Variants in STAM observed in about 807,000 individuals in gnomAD.
STAM encodes signal transducing adaptor molecule.
In STAM, 16 loss-of-function variants were observed where a neutral mutation model predicts 63.4. The observed-to-expected ratio is 0.25, with a 90% CI of 0.17 to 0.38. STAM has a LOEUF of 0.38. Ranked by LOEUF, STAM falls within the 10% of genes least tolerant of loss-of-function variation. The pLI, the probability that STAM is intolerant of heterozygous loss-of-function variation, is 1.00. For missense variants in STAM, 636 were observed against 657.1 expected (o/e 0.97, Z 0.35); for synonymous variants, 238 against 223.9 (o/e 1.06, Z -0.56).
chr10:17,686,486 C>A (rs923868312), intron 4 of STAM, among the ~76,000 whole-genome samples: 1 of 151,404 alleles, frequency 6.6e-6, no homozygotes, highest in African/African-American at 2.4e-5. Context: ...AAGTGATTCT[C>A]CTGCCTCAGC....
chr10:17,700,068 T>C (rs1778541273), intron 8 of STAM, 123 bp from the exon 9 acceptor site: 1 of 627,390 alleles, frequency 1.6e-6, no homozygotes, highest in African/African-American at 1.9e-5. Context: ...ATTTCTTAAA[T>C]TGCGCCTTTT....
At chr10:17,644,469 G>C in intron 1 of STAM, 90 bp downstream of exon 1, 1 of 1,525,570 alleles carries the variant, frequency 6.6e-7, no homozygotes. Context: ...CCTCGGGCCA[G>C]GGCCAAGGAA....
intron 12 of STAM, among the ~76,000 whole-genome samples, chr10:17,708,128 G>T (rs1356843526): frequency 6.6e-6 from 1 of 152,138 alleles, no homozygotes; most frequent in Admixed American, 6.5e-5. Context: ...CTGACCTCGT[G>T]ATCTGCCTGC....
At chr10:17,691,362 CA>C (rs1209148751) in intron 5 of STAM, among the ~76,000 whole-genome samples, 9 of 152,012 alleles carry the variant, frequency 5.9e-5, no homozygotes, top group Non-Finnish European at 1.2e-4. Flanking sequence ...ACTAAAAATA[CA>C]AAAAATTAGC....
At chr10:17,700,345 G>GA in intron 9 of STAM, 66 bp downstream of exon 9, 6 of 1,265,640 alleles carry the variant, frequency 4.7e-6, no homozygotes, top group Non-Finnish European at 5.4e-6. Context: ...TTTGCTTTAA[G>GA]AAAAAATTGA....
At chr10:17,648,012 AGAC>A (rs78633786) in intron 1 of STAM, among the ~76,000 whole-genome samples, 16,811 of 151,882 alleles carry the variant, frequency 0.11, 984 homozygotes, top group Middle Eastern at 0.16. Flanking sequence ...CCTTCTCAGT[AGAC>A]GACAACATGA....
chr10:17,708,978 G>T, intron 13 of STAM, 27 bp downstream of exon 13: 1 of 1,606,776 alleles, frequency 6.2e-7, no homozygotes. Context: ...TTCTTGTTTG[G>T]AGTTAGTGCT....
chr10:17,693,441 T>C (rs1171158609), intron 6 of STAM, 129 bp downstream of exon 6: 4 of 683,732 alleles, frequency 5.9e-6, no homozygotes, highest in Non-Finnish European at 9.3e-6. Context: ...TCCTCAGTAT[T>C]CTTTGCTTTA....
intron 1 of STAM, among the ~76,000 whole-genome samples, chr10:17,656,919 G>C (rs1554822212): frequency 6.6e-6 from 1 of 152,186 alleles, no homozygotes; most frequent in East Asian, 1.9e-4. Context: ...TTGATCCCAG[G>C]ACTCTATAGG....
chr10:17,683,602 T>C (rs782073648), intron 2 of STAM, among the ~76,000 whole-genome samples: 11 of 152,204 alleles, frequency 7.2e-5, no homozygotes, highest in Non-Finnish European at 1.6e-4. Flanking sequence ...CTTACCTGAT[T>C]AATTCCATCC....
rs1554829762 is a variant in STAM at position 17,708,945 on chromosome 10, A to C, written c.1379A>C (p.Tyr460Ser). 1 of 1,613,358 alleles carries C rather than the reference A, an allele frequency of 6.2e-7. No homozygotes were observed. Among genetic ancestry groups the C allele is most frequent in the East Asian group, 2.2e-5 (1 of 44,874 alleles). The change falls in exon 13 of 14, where the codon TAC becomes TCC. Residue 460 changes from tyrosine (Y) to serine (S), a missense_variant. This residue lies in a region of STAM where 532 missense variants were observed against 536.9 expected (regional missense o/e 0.99). Transcript: ENST00000377524. ...CCTAGTCAGCAGACTCAGGCCGCTT[A>C]CCCAAAGTAATTTTACTGTTGATTC... ...ALPSQQTQAA[Y>S]PNTMVSSVQG...
chr10:17,714,673 C>A lies in STAM; in HGVS notation c.1516C>A (p.Pro506Thr), dbSNP rs782591677. The A allele has an allele frequency of 3.0e-5, 49 of 1,613,996 alleles. No individual in the cohort carries two copies. Among genetic ancestry groups the A allele is most frequent in the Non-Finnish European group, 4.1e-5 (48 of 1,180,020 alleles). ...GTACCAGAATGCAGGACCTAATATG[C>A]CCCAGGTGCCAAACTATAACTTAAC... ...TLYQNAGPNM[P>T]QVPNYNLTSS... is the part of the protein sequence containing the mutation. Residue 506 changes from proline to threonine, a missense_variant, in exon 14 of 14, where the codon CCC becomes ACC. By Grantham distance (38) the Pro-to-Thr change is conservative. This residue lies in a region of STAM where 532 missense variants were observed against 536.9 expected (regional missense o/e 0.99). Transcript: ENST00000377524.
chr10:17,694,874 TGTGA>T, intron 6 of STAM, 171 bp from the exon 7 acceptor site: 1 of 517,416 alleles, frequency 1.9e-6, no homozygotes, highest in Non-Finnish European at 3.2e-6. Context: ...AACTTTCAGT[TGTGA>T]ATGAATGAAT....
At chr10:17,666,153 T>A (rs1834366481) in intron 2 of STAM, among the ~76,000 whole-genome samples, 1 of 152,200 alleles carries the variant, frequency 6.6e-6, no homozygotes, top group Non-Finnish European at 1.5e-5. Context: ...TAAGTTTTGC[T>A]GTTATTTTAT....
At chr10:17,664,101 T>A (rs1264481838) in intron 2 of STAM, among the ~76,000 whole-genome samples, 1 of 152,116 alleles carries the variant, frequency 6.6e-6, no homozygotes, top group Non-Finnish European at 1.5e-5. Flanking sequence ...TTACGTGTAC[T>A]TCCAAAATTA....
At chr10:17,696,651 T>C (rs1190835119) in intron 7 of STAM, 124 bp from the exon 8 acceptor site, 2 of 628,088 alleles carry the variant, frequency 3.2e-6, no homozygotes, top group African/African-American at 3.7e-5. Context: ...ATTCATTGGC[T>C]TTTTCAGTGG....
At chr10:17,668,530 A>G (rs1226189550) in intron 2 of STAM, among the ~76,000 whole-genome samples, 2 of 152,172 alleles carry the variant, frequency 1.3e-5, no homozygotes, top group African/African-American at 4.8e-5. Context: ...ACATGTGTCT[A>G]CCATTGTGTA....
intron 13 of STAM, among the ~76,000 whole-genome samples, chr10:17,713,379 G>C (rs530830412): frequency 5.0e-4 from 76 of 152,148 alleles, no homozygotes; most frequent in African/African-American, 1.8e-3. Flanking sequence ...CAGCAGGCTT[G>C]AATAGCTGAT....
At chr10:17,703,606 T>C (rs943003345) in intron 9 of STAM, among the ~76,000 whole-genome samples, 11 of 152,192 alleles carry the variant, frequency 7.2e-5, no homozygotes, top group Non-Finnish European at 1.0e-4. Flanking sequence ...TATATACTTA[T>C]ATATCGTATA....
Sources: gnomAD v4.1 joint callset for allele counts (sites outside exome capture counted in the v4.1 genomes callset) on GRCh38, gnomAD v4.1.1 for gene constraint, gnomAD v4.1.1 regional missense constraint, MANE v1.5 for transcripts, NCBI Gene and HGNC (gene_info 2026-07-23, HGNC 2026-07-21) for gene names.